DNAH12: variants seen among roughly 807,000 people sequenced by gnomAD.
DNAH12 encodes axonemal beta dynein heavy chain 12.
Under a neutral mutation model 371.5 loss-of-function variants are expected in DNAH12, and 285 were observed. The observed-to-expected ratio is 0.77, with a 90% CI of 0.70 to 0.85. The LOEUF is 0.85. Among genes scored for constraint, DNAH12 ranks in the 40% least tolerant of loss-of-function variants. The pLI is 0.00. For missense variants in DNAH12, 3,611 were observed against 3,689.4 expected, an observed-to-expected ratio of 0.98 and a Z score of 0.55; for synonymous variants, 1,200 against 1,213.0, an observed-to-expected ratio of 0.99 and a Z score of 0.22.
rs1409626573 is a variant in DNAH12 at position 57,361,444 on chromosome 3, C to CACTA, written c.9360+2149_9360+2150insTAGT. ...CACTATATATATATACACACACACACTATATATATATATATATATATATAT... is the reference window on the plus strand; with the variant it reads ...CACTATATATATATACACACACACACACTATATATATATATATATATATATATAT... On this transcript the variant is annotated intron_variant, in intron 58 of 73. Transcript: ENST00000495027. Among the ~76,000 whole-genome samples the CACTA allele has an allele frequency of 9.9e-4, 116 of 116,690 alleles. 2 individuals carry two copies. In the South Asian group the frequency reaches 0.017, roughly 17 times the overall value. 76.6% of individuals were successfully genotyped at this position (116,690 alleles called of 152,430 possible).
intron 4 of DNAH12, among the ~76,000 whole-genome samples, chr3:57,519,176 TATTTGCCA>T (rs1383264633): frequency 6.6e-6 from 1 of 152,260 alleles, no homozygotes; most frequent in Non-Finnish European, 1.5e-5. Context: ...TTCGCGTGCT[TATTTGCCA>T]TCCGTGTATC....
chr3:57,391,477 G>A (rs1186362754), intron 45 of DNAH12, among the ~76,000 whole-genome samples: 3 of 152,008 alleles, frequency 2.0e-5, no homozygotes, highest in Non-Finnish European at 2.9e-5. Context: ...GGACTTTTTA[G>A]GCTTCATAAT....
chr3:57,302,529 G>GTCTA (rs879293648), intron 69 of DNAH12, among the ~76,000 whole-genome samples: 1 of 47,850 alleles, frequency 2.1e-5, no homozygotes, highest in African/African-American at 8.5e-5. Flanking sequence ...GGCATCAGGT[G>GTCTA]TATATATATA....
Position 57,403,413 on chromosome 3 carries a change from G to A in DNAH12, c.6844C>T (p.Arg2282Cys), listed in dbSNP as rs1263854522. 6.4e-6 allele frequency: 10 copies of A among 1,551,108 alleles called. No homozygotes were observed. Among genetic ancestry groups the A allele is most frequent in the South Asian group, 6.0e-5 (5 of 84,010 alleles). ...ALLVGLGGSG[R>C]QSLTRLATSM... is the part of the protein sequence containing the mutation. Reference sequence around the variant, plus strand: ...GTAGCCAGACGAGTTAAAGATTGACGACCACTTCCTCCAAGACCAACAAGC... The same window carrying A: ...GTAGCCAGACGAGTTAAAGATTGACAACCACTTCCTCCAAGACCAACAAGC... The change falls in exon 43 of 74, where the codon CGT becomes TGT. Residue 2282 changes from arginine (R) to cysteine (C), a missense_variant. Around this residue, in one of 3 missense-constraint regions of DNAH12, gnomAD observed 2,266 missense variants for 2,236.9 expected, o/e 1.01. Transcript: ENST00000495027.
At chr3:57,522,096 T>G (rs1347149393) in intron 4 of DNAH12, among the ~76,000 whole-genome samples, 1 of 150,872 alleles carries the variant, frequency 6.6e-6, no homozygotes. Context: ...TGGTGGCACA[T>G]GTCTGTAATC....
At chr3:57,478,744 G>A (rs958183596) in intron 13 of DNAH12, among the ~76,000 whole-genome samples, 12 of 152,306 alleles carry the variant, frequency 7.9e-5, no homozygotes, top group African/African-American at 2.9e-4. Flanking sequence ...AACTCTATAA[G>A]CCAGAAGAGA....
At chr3:57,294,176 CTTTTTTTTT>C (rs62779960) in intron 73 of DNAH12, among the ~76,000 whole-genome samples, 3 of 129,084 alleles carry the variant, frequency 2.3e-5, no homozygotes, top group South Asian at 2.4e-4. Flanking sequence ...CTTTTCTTTT[CTTTTTTTTT>C]TTTTTTTTGG....
intron 64 of DNAH12, 30 bp from the exon 65 acceptor site, chr3:57,322,513 C>A: frequency 6.5e-7 from 1 of 1,539,130 alleles, no homozygotes; most frequent in Admixed American, 2.0e-5. Flanking sequence ...GAGCATTATA[C>A]AAGATAGCAA....
At chr3:57,333,225 G>A (rs1024568357) in intron 62 of DNAH12, among the ~76,000 whole-genome samples, 11 of 151,518 alleles carry the variant, frequency 7.3e-5, no homozygotes, top group Admixed American at 3.9e-4. Context: ...TCAGCTTCCC[G>A]AGCTCGAACT....
At chr3:57,385,205 C>T (rs1490015213) in intron 48 of DNAH12, 144 bp downstream of exon 48, 1 of 152,060 alleles carries the variant, frequency 6.6e-6, no homozygotes, top group Non-Finnish European at 1.5e-5. Flanking sequence ...AGACAGAACC[C>T]ACGTTAGACC....
rs1305564837 is a variant in DNAH12 at position 57,520,003 on chromosome 3, T to A, written c.279+3580A>T. On this transcript the variant is annotated intron_variant, in intron 4 of 73. Coordinates refer to ENST00000495027, the MANE Select transcript of DNAH12 (RefSeq NM_001366028.2). ...GTAGGGTTCCTCGCCGTCTTCCACG[T>A]CGGCCATGGTAGCGCCGCGGAGCCG... The A allele has an allele frequency of 6.4e-6, 5 of 783,200 alleles. No homozygotes were observed. The Admixed American group carries it at 1.0e-4, about 16-fold the overall frequency. The allele number at this position is 783,200 out of a possible 1,614,324, so 48.5% of individuals were successfully genotyped here. A position where few individuals can be genotyped will look rare whatever the true frequency, so the allele number is the denominator to read the frequency against.
At chr3:57,546,958 A>G (rs1306785592), upstream of DNAH12, among the ~76,000 whole-genome samples, 3 of 152,154 alleles carry the variant, frequency 2.0e-5, no homozygotes, top group Admixed American at 6.6e-5. Context: ...AGCCTGGGCA[A>G]CATGGTGTAA....
intron 60 of DNAH12, among the ~76,000 whole-genome samples, chr3:57,341,400 T>G (rs888430201): frequency 1.3e-5 from 2 of 152,132 alleles, no homozygotes; most frequent in Non-Finnish European, 2.9e-5. Flanking sequence ...TCAGTAAAGT[T>G]GCAGGATATA....
At chr3:57,495,584 CA>C (rs5849212) in intron 11 of DNAH12, among the ~76,000 whole-genome samples, 96,757 of 145,842 alleles carry the variant, frequency 0.66, 32,732 homozygotes, top group South Asian at 0.75. Flanking sequence ...GACTCCATCT[CA>C]AAAAAATATA....
At chr3:57,546,137 A>C (rs2069557076), upstream of DNAH12, among the ~76,000 whole-genome samples, 1 of 152,050 alleles carries the variant, frequency 6.6e-6, no homozygotes, top group African/African-American at 2.4e-5. Context: ...TACCAGGCCA[A>C]GCCCCAGGGT....
the DNAH12 span, among the ~76,000 whole-genome samples, chr3:57,549,611 A>C: frequency 1.3e-5 from 2 of 152,024 alleles, no homozygotes; most frequent in Non-Finnish European, 2.9e-5. Flanking sequence ...AAAGTGAACA[A>C]AATCTTTTAC....
chr3:57,354,975 T>C (rs977107179), intron 59 of DNAH12, among the ~76,000 whole-genome samples: 2 of 151,996 alleles, frequency 1.3e-5, no homozygotes, highest in African/African-American at 4.8e-5. Flanking sequence ...ACGGAAGGGG[T>C]AAGGATGGGA....
chr3:57,453,923 A>G (rs2065830009), intron 23 of DNAH12, among the ~76,000 whole-genome samples: 1 of 152,132 alleles, frequency 6.6e-6, no homozygotes, highest in African/African-American at 2.4e-5. Flanking sequence ...AGCCTGGCAA[A>G]GCAGAGAGAC....
intron 11 of DNAH12, among the ~76,000 whole-genome samples, chr3:57,490,492 G>T (rs1025429760): frequency 6.6e-6 from 1 of 152,090 alleles, no homozygotes; most frequent in Non-Finnish European, 1.5e-5. Flanking sequence ...TGTGATACTT[G>T]GTAAAAGTGA....
Sources: allele counts gnomAD v4.1 joint callset (sites outside exome capture counted in the v4.1 genomes callset), GRCh38; gene constraint gnomAD v4.1.1; regional missense constraint gnomAD v4.1.1; transcripts MANE v1.5; gene names NCBI Gene and HGNC (gene_info 2026-07-23, HGNC 2026-07-21).